Variants in PVT1 observed in about 807,000 individuals in gnomAD.
PVT1 encodes the protein Pvt1 oncogene, also known as CXCR4/PVT1 fusion.
chr8:127,797,949 T>G (rs754151713), intron 2 of PVT1, among the ~76,000 whole-genome samples: 3 of 152,210 alleles, frequency 2.0e-5, no homozygotes, highest in Non-Finnish European at 2.9e-5. Context: ...TGTAGAGATT[T>G]GGACCACAGT....
chr8:127,989,682 A>G (rs1051639265), intron 4 of PVT1, among the ~76,000 whole-genome samples: 1 of 152,138 alleles, frequency 6.6e-6, no homozygotes, highest in Non-Finnish European at 1.5e-5. Flanking sequence ...GACATCCAGA[A>G]CATGAGCTCT....
chr8:127,882,702 T>C (rs926467920), intron 2 of PVT1, among the ~76,000 whole-genome samples: 3 of 152,100 alleles, frequency 2.0e-5, no homozygotes, highest in African/African-American at 7.2e-5. Context: ...CAGTCTGGTC[T>C]CGAACTCATG....
At chr8:128,064,362 A>C (rs1169396232) in intron 4 of PVT1, among the ~76,000 whole-genome samples, 1 of 152,208 alleles carries the variant, frequency 6.6e-6, no homozygotes, top group Admixed American at 6.5e-5. Context: ...ACATTTGCAC[A>C]CATGCAAAAT....
chr8:127,974,550 G>T (rs1816801521), intron 3 of PVT1, among the ~76,000 whole-genome samples: 1 of 150,702 alleles, frequency 6.6e-6, no homozygotes, highest in South Asian at 2.1e-4. Flanking sequence ...GAGTAGCTGG[G>T]ACTACAGGTG....
chr8:127,977,189 A>T (rs1816831285), intron 3 of PVT1, among the ~76,000 whole-genome samples: 1 of 151,964 alleles, frequency 6.6e-6, no homozygotes, highest in Non-Finnish European at 1.5e-5. Flanking sequence ...TAATCCTCTC[A>T]TCTCTTTCTC....
chr8:127,871,855 A>G (rs1258005231), intron 2 of PVT1, among the ~76,000 whole-genome samples: 1 of 152,082 alleles, frequency 6.6e-6, no homozygotes, highest in Non-Finnish European at 1.5e-5. Flanking sequence ...TTGGGAGGCC[A>G]AGGCAGGCGG....
intron 2 of PVT1, among the ~76,000 whole-genome samples, chr8:127,831,064 G>GTA (rs56709045): frequency 8.9e-5 from 13 of 146,802 alleles, no homozygotes; most frequent in African/African-American, 1.6e-4. Context: ...GTGTGTGTGT[G>GTA]TATATATATA....
intron 4 of PVT1, among the ~76,000 whole-genome samples, chr8:128,013,963 T>C (rs907904826): frequency 6.6e-6 from 1 of 152,244 alleles, no homozygotes; most frequent in Non-Finnish European, 1.5e-5. Flanking sequence ...CAGAAATCTT[T>C]ACAGATTTCT....
rs200452788 is a variant in PVT1 at position 127,905,633 on chromosome 8, GT to G, written n.782+14644del. ...GTAGTAAAAAATTGAGGACCTGTGG[GT>G]TTTTTTTTGAGTATATATAATTGTG... On this transcript the variant is annotated intron_variant and non_coding_transcript_variant, in intron 3 of 10. Transcript: ENST00000651587. 7.7e-4 allele frequency among the ~76,000 whole-genome samples: 116 copies of G among 151,474 alleles called. No homozygotes were observed. In the East Asian group the frequency reaches 9.3e-3, roughly 12 times the overall value.
intron 4 of PVT1, among the ~76,000 whole-genome samples, chr8:128,019,664 A>G (rs1013980374): frequency 6.6e-6 from 1 of 152,216 alleles, no homozygotes; most frequent in Non-Finnish European, 1.5e-5. Flanking sequence ...TATTTACGGT[A>G]TCACGGATGT....
At chr8:127,845,521 GAGA>G (rs140232493) in intron 2 of PVT1, among the ~76,000 whole-genome samples, 6,617 of 152,220 alleles carry the variant, frequency 0.043, 511 homozygotes, top group African/African-American at 0.15. Flanking sequence ...CGCTGAAACA[GAGA>G]AGAATGGCTA....
intron 3 of PVT1, chr8:127,948,452 T>C (rs186674369): frequency 6.2e-6 from 1 of 162,044 alleles, no homozygotes; most frequent in Non-Finnish European, 1.4e-5. Flanking sequence ...CTGATTTCTC[T>C]ATGCCAGACT....
chr8:127,881,191 G>T (rs994434746), intron 2 of PVT1, among the ~76,000 whole-genome samples: 2 of 152,008 alleles, frequency 1.3e-5, no homozygotes, highest in Non-Finnish European at 2.9e-5. Flanking sequence ...GACTGGGTTC[G>T]GTTTGCATCT....
intron 3 of PVT1, among the ~76,000 whole-genome samples, chr8:127,954,584 C>T (rs1002705556): frequency 9.9e-5 from 15 of 152,178 alleles, no homozygotes; most frequent in South Asian, 8.3e-4. Flanking sequence ...TGAGCCACTG[C>T]GCCAGGCCAA....
intron 3 of PVT1, among the ~76,000 whole-genome samples, chr8:127,982,421 G>A (rs575261457): frequency 3.9e-5 from 6 of 152,216 alleles, no homozygotes; most frequent in African/African-American, 1.2e-4. Context: ...GTGTGCCGGG[G>A]ACTCAGCATT....
intron 3 of PVT1, among the ~76,000 whole-genome samples, chr8:127,912,567 G>A (rs1815912486): frequency 6.6e-6 from 1 of 152,244 alleles, no homozygotes; most frequent in African/African-American, 2.4e-5. Flanking sequence ...TCCCAGTGGA[G>A]AAGTTGGATT....
chr8:128,078,665 A>G (rs2130147332), intron 5 of PVT1, among the ~76,000 whole-genome samples: 1 of 152,352 alleles, frequency 6.6e-6, no homozygotes, highest in African/African-American at 2.4e-5. Context: ...GACCTCATAT[A>G]TATTTTTAGA....
At chr8:127,988,709 A>T (rs1268672170) in intron 3 of PVT1, among the ~76,000 whole-genome samples, 1 of 152,242 alleles carries the variant, frequency 6.6e-6, no homozygotes, top group Non-Finnish European at 1.5e-5. Context: ...GGCTCACATG[A>T]TCCCCACCAT....
At chr8:127,818,297 C>A (rs1400762939) in intron 2 of PVT1, among the ~76,000 whole-genome samples, 1 of 152,256 alleles carries the variant, frequency 6.6e-6, no homozygotes, top group African/African-American at 2.4e-5. Context: ...AAACTTATCG[C>A]AACTGAATAG....
Sources: allele counts gnomAD v4.1 joint callset (sites outside exome capture counted in the v4.1 genomes callset), GRCh38; gene constraint gnomAD v4.1.1; transcripts MANE v1.5; gene names NCBI Gene and HGNC (gene_info 2026-07-23, HGNC 2026-07-21).